Variants in COL5A1 observed in about 807,000 individuals in gnomAD.
COL5A1 encodes the protein collagen alpha-1(V) chain.
A neutral mutation model predicts 263.7 loss-of-function variants in COL5A1; 16 were observed. The ratio of observed to expected loss-of-function variants is 0.06; its 90% CI spans 0.04 to 0.09. The LOEUF (loss-of-function observed/expected upper bound fraction) is 0.09. Ranked by LOEUF, COL5A1 falls within the 10% of genes least tolerant of loss-of-function variation. The pLI, the probability that COL5A1 is intolerant of heterozygous loss-of-function variation, is 1.00. For missense variants in COL5A1, 2,036 were observed against 2,540.5 expected, an observed-to-expected ratio of 0.80 and a Z score of 4.27; for synonymous variants, 1,012 against 1,004.5, an observed-to-expected ratio of 1.01 and a Z score of -0.14.
intron 1 of COL5A1, among the ~76,000 whole-genome samples, chr9:134,669,262 CTTCCCTTCCCTTCCCTTCCCTT>C (rs1832461737): frequency 1.0e-5 from 1 of 100,422 alleles, no homozygotes. Flanking sequence ...CTTCCCTTCC[CTTCCCTTCCCTTCCCTTCCCTT>C]CCCTTCCCTC....
chr9:134,650,744 C>T (rs1458555919), intron 1 of COL5A1, among the ~76,000 whole-genome samples: 2 of 152,270 alleles, frequency 1.3e-5, no homozygotes, highest in Non-Finnish European at 2.9e-5. Flanking sequence ...AGGGCACGTT[C>T]CCGTGCATGT....
intron 63 of COL5A1, among the ~76,000 whole-genome samples, chr9:134,829,271 G>C (rs974660158): frequency 1.3e-5 from 2 of 151,462 alleles, no homozygotes; most frequent in South Asian, 4.2e-4. Context: ...CTGGGGCCAG[G>C]CTCCTCACAT....
rs945016236 is a variant in COL5A1 at position 134,843,272 on chromosome 9, G to T, written c.*969G>T. 1 of 152,018 alleles carries T rather than the reference G, an allele frequency of 6.6e-6. No individual in the cohort carries two copies. Among genetic ancestry groups the T allele is most frequent in the African/African-American group, 2.4e-5 (1 of 41,180 alleles). 9.4% of individuals were successfully genotyped at this position (152,018 alleles called of 1,614,324 possible). On this transcript the variant is annotated 3_prime_UTR_variant, in exon 66 of 66. Coordinates refer to ENST00000371817, the MANE Select transcript of COL5A1 (RefSeq NM_000093.5). ...GCTTCCTTTTTCCGCTTTTCTTCCCGCAGAGCCTGATGGGAGAATGTCCAG... is the reference window on the plus strand; with the variant it reads ...GCTTCCTTTTTCCGCTTTTCTTCCCTCAGAGCCTGATGGGAGAATGTCCAG...
intron 1 of COL5A1, among the ~76,000 whole-genome samples, chr9:134,651,780 G>A (rs202111834): frequency 6.6e-6 from 1 of 152,196 alleles, no homozygotes; most frequent in Non-Finnish European, 1.5e-5. Flanking sequence ...GACTTTTCTC[G>A]GGTCCTCTGC....
At chr9:134,723,663 C>T (rs1022437216) in intron 4 of COL5A1, among the ~76,000 whole-genome samples, 2 of 152,208 alleles carry the variant, frequency 1.3e-5, no homozygotes, top group Admixed American at 6.5e-5. Context: ...AGGCACCGGA[C>T]GGACCCCTGA....
rs773994971 is a variant in COL5A1 at position 134,642,252 on chromosome 9, C to CGCT, written c.82_84dup (p.Leu28dup). 55 of 1,270,280 alleles carry CGCT rather than the reference C, an allele frequency of 4.3e-5. No homozygotes were observed. The highest frequency in any genetic ancestry group is 1.6e-4 in the Admixed American group (5 of 31,572). The allele number at this position is 1,270,280 out of a possible 1,614,324, so 78.7% of individuals were successfully genotyped here. A position where few individuals can be genotyped will look rare whatever the true frequency, so the allele number is the denominator to read the frequency against. ...CGCCCGGGCGCCCCGCTGCTGCCCCCGCTGCTGCTGCTGCTGCTGTGGGCG... is the reference window on the plus strand; with the variant it reads ...CGCCCGGGCGCCCCGCTGCTGCCCCCGCTGCTGCTGCTGCTGCTGCTGTGGGCG... On this transcript the variant is annotated inframe_insertion, in exon 1 of 66. Transcript: ENST00000371817. The surrounding 1 kb of genome is among the most constrained non-coding windows in gnomAD (Gnocchi z 4.5).
intron 1 of COL5A1, among the ~76,000 whole-genome samples, chr9:134,654,411 G>A (rs1416267424): frequency 7.5e-5 from 7 of 93,664 alleles, no homozygotes; most frequent in African/African-American, 2.4e-4. Flanking sequence ...GCTGGTGTGT[G>A]TAGGGCTGGA....
At chr9:134,795,196 G>A (rs557138512) in intron 33 of COL5A1, 66 bp from the exon 34 acceptor site, 8 of 1,612,786 alleles carry the variant, frequency 5.0e-6, no homozygotes, top group Admixed American at 1.7e-5. Flanking sequence ...CGTGCCAGGG[G>A]CTGGGGGAAG....
At chr9:134,752,568 G>C (rs376412189) in intron 13 of COL5A1, 21 bp from the exon 14 acceptor site, 1 of 1,606,248 alleles carries the variant, frequency 6.2e-7, no homozygotes, top group African/African-American at 1.3e-5. Context: ...CTGTCTCAGC[G>C]TGTCTCACTT....
intron 2 of COL5A1, among the ~76,000 whole-genome samples, chr9:134,693,106 C>A (rs1386122267): frequency 6.6e-6 from 1 of 152,032 alleles, no homozygotes; most frequent in Non-Finnish European, 1.5e-5. Flanking sequence ...AATGGCTTGG[C>A]CTTCCAGCAG....
At chr9:134,646,668 G>A (rs1831486184) in intron 1 of COL5A1, among the ~76,000 whole-genome samples, 1 of 152,126 alleles carries the variant, frequency 6.6e-6, no homozygotes, top group Non-Finnish European at 1.5e-5. Context: ...AGCCCTGCTG[G>A]CCTGGCACAG....
In COL5A1 at chr9:134,814,842, G is replaced by A. The variant is rs1838678972; in HGVS notation, c.3952G>A (p.Gly1318Ser). The A allele has an allele frequency of 9.7e-6, 15 of 1,551,856 alleles. No individual in the cohort carries two copies. The highest frequency in any genetic ancestry group is 1.1e-5 in the Non-Finnish European group (13 of 1,147,268). ...RGEKGESGPS[G>S]AAGPPGPKGP... ...AGAGAAGGGCGAGTCAGGCCCTTCAGGTGCTGCCGGACCCCCTGGACCCAA... is the reference window on the plus strand; with the variant it reads ...AGAGAAGGGCGAGTCAGGCCCTTCAAGTGCTGCCGGACCCCCTGGACCCAA... The change falls in exon 50 of 66, where the codon GGT becomes AGT. Residue 1318 changes from glycine (G) to serine (S), a missense_variant. Gly to Ser is a moderately conservative substitution (Grantham distance 56). Around this residue, in one of 3 missense-constraint regions of COL5A1, gnomAD observed 1,078 missense variants for 1,521.4 expected, o/e 0.71. Transcript: ENST00000371817.
chr9:134,775,063 C>G, intron 27 of COL5A1, 151 bp downstream of exon 27: 1 of 773,356 alleles, frequency 1.3e-6, no homozygotes, highest in Non-Finnish European at 2.2e-6. Context: ...CTTGTGTGGA[C>G]GCTAGGTCTC....
At position 134,818,686 on chromosome 9, in the gene COL5A1, A is replaced by G; in HGVS notation, c.4261A>G (p.Lys1421Glu). The change falls in exon 55 of 66, where the codon AAG (lysine) becomes GAG (glutamate). Residue 1421 changes from lysine to glutamate, a missense_variant. Physicochemically the swap from Lys to Glu is moderately conservative, Grantham distance 56 (BLOSUM62 1). Coordinates refer to ENST00000371817, the MANE Select transcript of COL5A1 (RefSeq NM_000093.5). This position sits in a 1 kb window ranked among gnomAD's most constrained non-coding sequence, Gnocchi z 6.0. ...GEAGLEGPPG[K>E]TGPIGPQGAP... ...AGCCGGCTTGGAAGGCCCTCCTGGG[A>G]AGACTGGCCCCATCGGCCCCCAGGG... 2 of 1,608,838 alleles carry G rather than the reference A, an allele frequency of 1.2e-6. No individual in the cohort carries two copies. The highest frequency in any genetic ancestry group is 8.5e-7 in the Non-Finnish European group (1 of 1,178,458).
At chr9:134,832,777 G>GTTCGC (rs1839694184) in intron 64 of COL5A1, 2 of 152,268 alleles carry the variant, frequency 1.3e-5, no homozygotes, top group Non-Finnish European at 2.9e-5. Context: ...GCGTCTGAAA[G>GTTCGC]CGTGGAGTTC....
chr9:134,663,864 A>G (rs1340724157), intron 1 of COL5A1, among the ~76,000 whole-genome samples: 1 of 152,126 alleles, frequency 6.6e-6, no homozygotes, highest in African/African-American at 2.4e-5. Context: ...CCCCTTTTTG[A>G]TACTGCAAGG....
chr9:134,730,937 C>T (rs1024619569), intron 7 of COL5A1, among the ~76,000 whole-genome samples: 1 of 152,210 alleles, frequency 6.6e-6, no homozygotes, highest in Non-Finnish European at 1.5e-5. Flanking sequence ...TGTCAGCAGA[C>T]AGGCCTGAAA....
intron 30 of COL5A1, 27 bp from the exon 31 acceptor site, chr9:134,785,968 C>T (rs768290972): frequency 1.2e-6 from 2 of 1,605,098 alleles, no homozygotes; most frequent in South Asian, 2.2e-5. Flanking sequence ...CCGTGCTGGC[C>T]ATTAATGCAA....
intron 37 of COL5A1, 69 bp from the exon 38 acceptor site, chr9:134,801,885 G>A: frequency 7.0e-7 from 1 of 1,436,008 alleles, no homozygotes; most frequent in Non-Finnish European, 9.8e-7. Flanking sequence ...GCGTCCTGCT[G>A]AGAACAGTGC....
Sources: gnomAD v4.1 joint callset for allele counts (sites outside exome capture counted in the v4.1 genomes callset) on GRCh38, gnomAD v4.1.1 for gene constraint, gnomAD v4.1.1 regional missense constraint, Gnocchi (gnomAD v3.1) non-coding constraint, MANE v1.5 for transcripts, NCBI Gene and HGNC (gene_info 2026-07-23, HGNC 2026-07-21) for gene names.